The following DNAJC5B variants were observed in gnomAD, a reference collection of about 807,000 sequenced individuals.
DNAJC5B encodes DnaJ heat shock protein family (Hsp40) member C5 beta.
Under a neutral mutation model 24.7 loss-of-function variants are expected in DNAJC5B, and 23 were observed. The observed-to-expected ratio is 0.93, with a 90% CI of 0.67 to 1.32. The LOEUF (loss-of-function observed/expected upper bound fraction) is 1.32. DNAJC5B is among the 40% of genes most tolerant of loss of function. The pLI is 0.00. For synonymous variants in DNAJC5B, 101 were observed against 90.1 expected (o/e 1.12, Z -0.68); for missense variants, 238 against 240.8 (o/e 0.99, Z 0.08).
chr8:66,071,143 C>G lies in DNAJC5B; in HGVS notation c.120-5517C>G, dbSNP rs186582298. ...ATACCATTCAGGACATAGGCATGGG[C>G]AAAGACTTCATGACTAAAACACCAA... On this transcript the variant is annotated intron_variant, in intron 3 of 5. Coordinates refer to ENST00000276570, the MANE Select transcript of DNAJC5B (RefSeq NM_033105.6). Among the ~76,000 whole-genome samples, 4 of 152,248 alleles carry G rather than the reference C, an allele frequency of 2.6e-5. No homozygotes were observed. In the East Asian group the frequency reaches 7.7e-4, roughly 29 times the overall value.
chr8:66,067,717 C>T (rs117022097), intron 3 of DNAJC5B, among the ~76,000 whole-genome samples: 3 of 152,150 alleles, frequency 2.0e-5, no homozygotes, highest in Admixed American at 2.0e-4. Flanking sequence ...GTTCCCCAGA[C>T]AGCAGCCCTA....
rs759810294 is a variant in DNAJC5B, at chr8:66,076,786, G to A, written c.246G>A (p.Lys82=). 17 of 1,614,072 alleles carry A rather than the reference G, an allele frequency of 1.1e-5. No individual in the cohort carries two copies. The highest frequency in any genetic ancestry group is 1.4e-5 in the Non-Finnish European group (17 of 1,180,026). ...TDISKRSIYD[K]YGSLGLYVAE... ...TTTCAAAGAGAAGCATATACGACAA[G>A]TACGGATCGCTGGGACTCTACGTGG... is the stretch of plus-strand genomic sequence containing the variant. The change falls in exon 4 of 6, where the codon AAG becomes AAA. Residue 82 remains lysine, a synonymous_variant. Coordinates refer to ENST00000276570, the MANE Select transcript of DNAJC5B (RefSeq NM_033105.6).
At chr8:66,028,663 T>C (rs1283637549) in intron 1 of DNAJC5B, among the ~76,000 whole-genome samples, 1 of 152,126 alleles carries the variant, frequency 6.6e-6, no homozygotes, top group Admixed American at 6.5e-5. Flanking sequence ...TCATTGAACA[T>C]TGAGCCTAGG....
At chr8:66,096,793 CAA>C (rs1431070321) in intron 5 of DNAJC5B, among the ~76,000 whole-genome samples, 3 of 151,956 alleles carry the variant, frequency 2.0e-5, no homozygotes, top group Non-Finnish European at 4.4e-5. Context: ...TTCAGTCTGA[CAA>C]TATTTTTCTT....
At chr8:66,030,725 C>T (rs1806340282) in intron 1 of DNAJC5B, among the ~76,000 whole-genome samples, 1 of 152,174 alleles carries the variant, frequency 6.6e-6, no homozygotes, top group Non-Finnish European at 1.5e-5. Context: ...CAACCTCTGC[C>T]TCCCAGGTTC....
intron 3 of DNAJC5B, among the ~76,000 whole-genome samples, chr8:66,069,518 G>A (rs887669213): frequency 1.3e-5 from 2 of 152,096 alleles, no homozygotes; most frequent in East Asian, 1.9e-4. Context: ...GGAAGAAGTC[G>A]AATCCCTGAA....
intron 1 of DNAJC5B, among the ~76,000 whole-genome samples, chr8:66,028,234 C>A (rs928241561): frequency 1.4e-4 from 21 of 152,124 alleles, no homozygotes; most frequent in African/African-American, 4.3e-4. Flanking sequence ...AAATTTTGGC[C>A]CCGGCACAAC....
At chr8:66,083,003 CTTTTTTT>C (rs765749597) in intron 5 of DNAJC5B, among the ~76,000 whole-genome samples, 20 of 86,714 alleles carry the variant, frequency 2.3e-4, no homozygotes, top group Admixed American at 3.8e-4. Context: ...CTTTTCTTTT[CTTTTTTT>C]TTTTTTTTTT....
At chr8:66,030,046 T>C (rs1344601127) in intron 1 of DNAJC5B, among the ~76,000 whole-genome samples, 1 of 152,240 alleles carries the variant, frequency 6.6e-6, no homozygotes, top group Non-Finnish European at 1.5e-5. Context: ...CTTCCTGTTA[T>C]GTTTTCTAAA....
At chr8:66,099,802 T>C (rs1471525927) in intron 5 of DNAJC5B, 135 bp from the exon 6 acceptor site, 2 of 684,294 alleles carry the variant, frequency 2.9e-6, no homozygotes, top group Admixed American at 2.7e-5. Context: ...GTCCTTAAAA[T>C]GGTAGGTATA....
chr8:66,047,630 G>A (rs1487304908), intron 2 of DNAJC5B, among the ~76,000 whole-genome samples: 1 of 152,114 alleles, frequency 6.6e-6, no homozygotes, highest in African/African-American at 2.4e-5. Flanking sequence ...GCATAGGAGG[G>A]GCTCAGTAAA....
In DNAJC5B at chr8:66,078,643, A is replaced by C. The variant is rs540451256; in HGVS notation, c.334-1734A>C. Among the ~76,000 whole-genome samples the C allele has an allele frequency of 3.3e-5, 5 of 152,338 alleles. No homozygotes were observed. The East Asian group carries it at 7.7e-4, about 23-fold the overall frequency. ...GAGGAGTTTCTTGGGGCAATGGCTC[A>C]AGAACACTGCACAGGAGGCTGTGGA... is the stretch of plus-strand genomic sequence containing the variant. On this transcript the variant is annotated intron_variant, in intron 4 of 5. Transcript: ENST00000276570.
rs113571808 is a variant in DNAJC5B at position 66,049,295 on chromosome 8, T to C, written c.-17-2236T>C. 5.8e-3 allele frequency among the ~76,000 whole-genome samples: 885 copies of C among 152,354 alleles called. 4 individuals carry two copies. Among genetic ancestry groups the C allele is most frequent in the African/African-American group, 9.6e-3 (398 of 41,578 alleles). ...AACAAACCTACTGCATTGCCTGTTA[T>C]ATAAAAGTGTACAATGACCTAGGAC... On this transcript the variant is annotated intron_variant, in intron 2 of 5. Transcript: ENST00000276570.
chr8:66,071,177 G>A (rs1419279728), intron 3 of DNAJC5B, among the ~76,000 whole-genome samples: 1 of 152,112 alleles, frequency 6.6e-6, no homozygotes, highest in African/African-American at 2.4e-5. Context: ...AAAAGCAATG[G>A]CAACAAAAGC....
intron 1 of DNAJC5B, among the ~76,000 whole-genome samples, chr8:66,039,502 C>T (rs1806562197): frequency 6.6e-6 from 1 of 152,070 alleles, no homozygotes. Context: ...GTGCCCACCA[C>T]CATGCCTGGC....
intron 1 of DNAJC5B, among the ~76,000 whole-genome samples, chr8:66,029,395 G>A (rs1806313920): frequency 6.6e-6 from 1 of 152,210 alleles, no homozygotes; most frequent in South Asian, 2.1e-4. Context: ...GGGAAGAAGT[G>A]GCACTGGAGG....
chr8:66,080,722 C>T (rs7006394), intron 5 of DNAJC5B, among the ~76,000 whole-genome samples, 174 bp downstream of exon 5: 17,344 of 152,100 alleles, frequency 0.11, 1,256 homozygotes, highest in African/African-American at 0.19. Flanking sequence ...AGATAGATAC[C>T]TTTACCAGGC....
intron 5 of DNAJC5B, among the ~76,000 whole-genome samples, chr8:66,095,025 T>C (rs1184628112): frequency 2.0e-5 from 3 of 152,122 alleles, no homozygotes; most frequent in Non-Finnish European, 4.4e-5. Context: ...TTGTTTTAGA[T>C]GTTTGTGACA....
Position 66,100,529 on chromosome 8 carries a change from G to C in DNAJC5B, c.*498G>C, listed in dbSNP as rs1386811520. 1.3e-5 allele frequency: 2 copies of C among 152,128 alleles called. No homozygotes were observed. The highest frequency in any genetic ancestry group is 1.3e-4 in the Admixed American group (2 of 15,246). 9.4% of individuals were successfully genotyped at this position (152,128 alleles called of 1,614,324 possible). On this transcript the variant is annotated 3_prime_UTR_variant, in exon 6 of 6. Coordinates refer to ENST00000276570, the MANE Select transcript of DNAJC5B (RefSeq NM_033105.6). Reference sequence around the variant, plus strand: ...AGAAATGTTTCAAGAGCCAGAAAGGGATGATTTTTTTTTAAATCACATTTT... The same window carrying C: ...AGAAATGTTTCAAGAGCCAGAAAGGCATGATTTTTTTTTAAATCACATTTT...
Sources: gnomAD v4.1 joint callset for allele counts (sites outside exome capture counted in the v4.1 genomes callset) on GRCh38, gnomAD v4.1.1 for gene constraint, MANE v1.5 for transcripts, NCBI Gene and HGNC (gene_info 2026-07-23, HGNC 2026-07-21) for gene names.